HECW1: variants seen among roughly 807,000 people sequenced by gnomAD.
HECW1 encodes the protein HECT, C2 and WW domain containing E3 ubiquitin protein ligase 1.
In HECW1, 61 loss-of-function variants were observed where a neutral mutation model predicts 182.3. That is an observed-to-expected ratio of 0.33 (90% CI 0.27 to 0.41). The LOEUF (loss-of-function observed/expected upper bound fraction) is 0.41, where lower values mean the gene tolerates loss of function less well. Among genes scored for constraint, HECW1 ranks in the 10% least tolerant of loss-of-function variants. The pLI is 1.00. For synonymous variants in HECW1, 859 were observed against 832.6 expected (o/e 1.03, Z -0.55); for missense variants, 1,739 against 2,108.9 (o/e 0.82, Z 3.44).
chr7:43,121,272 ACTT>A (rs1785581985), intron 2 of HECW1, among the ~76,000 whole-genome samples: 1 of 152,120 alleles, frequency 6.6e-6, no homozygotes, highest in African/African-American at 2.4e-5. Flanking sequence ...TGCTGCCAGG[ACTT>A]GATAAAAACT....
chr7:43,544,274 T>C (rs957146749), intron 26 of HECW1, among the ~76,000 whole-genome samples: 1 of 152,152 alleles, frequency 6.6e-6, no homozygotes, highest in Admixed American at 6.5e-5. Context: ...TCTTTCAATA[T>C]CAGAAGAGAT....
chr7:43,554,863 G>A, intron 29 of HECW1, 73 bp downstream of exon 29: 1 of 1,369,818 alleles, frequency 7.3e-7, no homozygotes, highest in Non-Finnish European at 1.0e-6. Context: ...TTGATTTTGA[G>A]TGACCATCCT....
chr7:43,250,852 C>T (rs1799950036), intron 3 of HECW1, among the ~76,000 whole-genome samples: 1 of 152,222 alleles, frequency 6.6e-6, no homozygotes, highest in Admixed American at 6.5e-5. Flanking sequence ...AAAGCTCCTA[C>T]AGTCCTGGGC....
chr7:43,259,126 C>T (rs960445941), intron 3 of HECW1, among the ~76,000 whole-genome samples: 1 of 152,160 alleles, frequency 6.6e-6, no homozygotes, highest in Non-Finnish European at 1.5e-5. Context: ...AGCAGCTCAA[C>T]CTGTAATTCC....
chr7:43,128,113 C>T (rs542743903), intron 2 of HECW1, among the ~76,000 whole-genome samples: 3 of 152,288 alleles, frequency 2.0e-5, no homozygotes, highest in South Asian at 4.1e-4. Flanking sequence ...CTGCTGGGCT[C>T]AAGCAATCCT....
intron 29 of HECW1, among the ~76,000 whole-genome samples, chr7:43,558,238 G>A (rs948226181): frequency 6.6e-6 from 1 of 152,206 alleles, no homozygotes; most frequent in Non-Finnish European, 1.5e-5. Context: ...AGTAGCACTG[G>A]GCAGTGTGGA....
At chr7:43,238,081 ATTATTC>A (rs1240772358) in intron 2 of HECW1, among the ~76,000 whole-genome samples, 1 of 152,198 alleles carries the variant, frequency 6.6e-6, no homozygotes, top group African/African-American at 2.4e-5. Flanking sequence ...AGGATTAGCT[ATTATTC>A]TTAGAAGACA....
At chr7:43,216,078 T>C (rs1434227866) in intron 2 of HECW1, among the ~76,000 whole-genome samples, 1 of 152,222 alleles carries the variant, frequency 6.6e-6, no homozygotes, top group Non-Finnish European at 1.5e-5. Flanking sequence ...TCATTTTATA[T>C]GGTCTTTGTT....
intron 2 of HECW1, among the ~76,000 whole-genome samples, chr7:43,129,309 G>T (rs1168269107): frequency 2.0e-5 from 3 of 152,226 alleles, no homozygotes; most frequent in Middle Eastern, 3.4e-3. Context: ...CCACCACCCT[G>T]ATCAGTCAGC....
At chr7:43,172,021 T>A (rs1421498784) in intron 2 of HECW1, among the ~76,000 whole-genome samples, 1 of 151,736 alleles carries the variant, frequency 6.6e-6, no homozygotes, top group Non-Finnish European at 1.5e-5. Flanking sequence ...CTCACATCTG[T>A]AATCCCAGCA....
chr7:43,292,326 G>A (rs946792807), intron 3 of HECW1, among the ~76,000 whole-genome samples: 2 of 152,204 alleles, frequency 1.3e-5, no homozygotes, highest in Non-Finnish European at 2.9e-5. Flanking sequence ...CACATTGCTA[G>A]TTAAGTTTTA....
At chr7:43,398,363 C>T (rs1414782858) in intron 7 of HECW1, among the ~76,000 whole-genome samples, 1 of 152,200 alleles carries the variant, frequency 6.6e-6, no homozygotes, top group African/African-American at 2.4e-5. Context: ...CAATCCCACC[C>T]TAAACAGTCT....
At chr7:43,457,495 G>A (rs111812037) in intron 13 of HECW1, among the ~76,000 whole-genome samples, 6 of 152,174 alleles carry the variant, frequency 3.9e-5, no homozygotes, top group South Asian at 4.1e-4. Flanking sequence ...ACATGGGGCC[G>A]GGTGCAGTGG....
intron 7 of HECW1, among the ~76,000 whole-genome samples, chr7:43,398,517 C>T (rs1342962952): frequency 6.6e-6 from 1 of 151,988 alleles, no homozygotes. Flanking sequence ...TCCTTGGGAG[C>T]TACACTGTTA....
At chr7:43,128,639 T>G (rs1562575288) in intron 2 of HECW1, among the ~76,000 whole-genome samples, 1 of 152,218 alleles carries the variant, frequency 6.6e-6, no homozygotes, top group Non-Finnish European at 1.5e-5. Flanking sequence ...TAATATTGAC[T>G]TTCAAGTCTT....
intron 4 of HECW1, among the ~76,000 whole-genome samples, chr7:43,317,864 G>A (rs1181495525): frequency 8.8e-5 from 13 of 147,492 alleles, no homozygotes; most frequent in African/African-American, 2.5e-4. Context: ...TGCCATCCTC[G>A]TCATCCTTTG....
At chr7:43,505,886 ACC>A (rs2079558718) in intron 21 of HECW1, among the ~76,000 whole-genome samples, 1 of 152,348 alleles carries the variant, frequency 6.6e-6, no homozygotes, top group South Asian at 2.1e-4. Context: ...CTGAGAGTTT[ACC>A]AGCATCAGTC....
chr7:43,166,625 C>T (rs1417588900), intron 2 of HECW1, among the ~76,000 whole-genome samples: 2 of 152,162 alleles, frequency 1.3e-5, no homozygotes, highest in Non-Finnish European at 2.9e-5. Flanking sequence ...TCACATTGTA[C>T]AGTATACATT....
At chr7:43,212,402 AT>A (rs1287817897) in intron 2 of HECW1, among the ~76,000 whole-genome samples, 1 of 152,192 alleles carries the variant, frequency 6.6e-6, no homozygotes, top group Non-Finnish European at 1.5e-5. Context: ...TAGACTGATA[AT>A]TTTTAGCAAA....
Sources: allele counts gnomAD v4.1 joint callset (sites outside exome capture counted in the v4.1 genomes callset), GRCh38; gene constraint gnomAD v4.1.1; transcripts MANE v1.5; gene names NCBI Gene and HGNC (gene_info 2026-07-23, HGNC 2026-07-21).